Variants in MXRA5 observed in about 807,000 individuals in gnomAD.
The protein encoded by MXRA5 is matrix-remodeling-associated protein 5.
A neutral mutation model predicts 112.5 loss-of-function variants in MXRA5; 41 were observed. The observed-to-expected ratio is 0.36, with a 90% CI of 0.28 to 0.47. The LOEUF is 0.47. Among genes scored for constraint, MXRA5 ranks in the 20% least tolerant of loss-of-function variants. MXRA5 has a pLI of 0.99. For missense variants in MXRA5, 2,150 were observed against 2,251.0 expected, an observed-to-expected ratio of 0.96 and a Z score of 0.91; for synonymous variants, 862 against 900.8, an observed-to-expected ratio of 0.96 and a Z score of 0.77.
intron 4 of MXRA5, among the ~76,000 whole-genome samples, chrX:3,328,682 C>G (rs1474070410): frequency 9.3e-6 from 1 of 107,863 alleles, no homozygotes; most frequent in African/African-American, 3.4e-5. Context: ...GGAAATAGAT[C>G]CAGGATATGG....
chrX:3,346,642 G>T lies in MXRA5; in HGVS notation c.-156C>A. On this transcript the variant is annotated 5_prime_UTR_variant, in exon 1 of 7. Transcript: ENST00000217939. ...CCCGGGGCCGGGGGTGAGGCAGCTC[G>T]GCTTCCCAGCGCGGCACAGCAAGCC... The T allele has an allele frequency of 9.3e-6, 6 of 647,575 alleles. No homozygotes were observed. Among genetic ancestry groups the T allele is most frequent in the Non-Finnish European group, 1.1e-5 (6 of 541,464 alleles). 53.4% of individuals were successfully genotyped at this position (647,575 alleles called of 1,213,427 possible). A position where few individuals can be genotyped will look rare whatever the true frequency, so the allele number is the denominator to read the frequency against.
rs150226777 is a variant in MXRA5 at position 3,324,744 on chromosome X, G to T, written c.941C>A (p.Pro314His). The T allele has an allele frequency of 5.1e-3, 6,139 of 1,207,121 alleles. 16 individuals are homozygous for T. Among genetic ancestry groups the T allele is most frequent in the Non-Finnish European group, 6.0e-3 (5,343 of 893,562 alleles). ...SQLILEKFQLPQWSISLNMTD... is the reference protein window; with the variant it reads ...SQLILEKFQLHQWSISLNMTD... Reference sequence around the variant, plus strand: ...CATATTCAAAGAGATGCTCCACTGGGGCAGTTGGAATTTCTCCAGGATGAG... The same window carrying T: ...CATATTCAAAGAGATGCTCCACTGGTGCAGTTGGAATTTCTCCAGGATGAG... The change falls in exon 5 of 7, where the codon CCC becomes CAC. Residue 314 changes from proline (P) to histidine (H), a missense_variant. By Grantham distance (77) the Pro-to-His change is moderately conservative (BLOSUM62 -2). Coordinates refer to ENST00000217939, the MANE Select transcript of MXRA5 (RefSeq NM_015419.4).
chrX:3,340,041 C>T (rs1381834141), intron 2 of MXRA5, among the ~76,000 whole-genome samples: 2 of 105,658 alleles, frequency 1.9e-5, no homozygotes, highest in East Asian at 5.6e-4. Context: ...CAAAACCAGT[C>T]TTTTAATAGA....
intron 6 of MXRA5, among the ~76,000 whole-genome samples, chrX:3,315,879 G>A (rs1435138844): frequency 2.7e-5 from 3 of 109,984 alleles, no homozygotes; most frequent in African/African-American, 1.0e-4. Flanking sequence ...ATAGAGGCAA[G>A]CTGAATTGTT....
Position 3,321,631 on chromosome X carries a change from T to C in MXRA5, c.4054A>G (p.Ile1352Val), listed in dbSNP as rs765112165. The change falls in exon 5 of 7, where the codon ATA (isoleucine) becomes GTA (valine). Residue 1352 changes from isoleucine (I) to valine (V), a missense_variant. Physicochemically the swap from Ile to Val is conservative, Grantham distance 29. Around this residue, in one of 6 missense-constraint regions of MXRA5, gnomAD observed 1,485 missense variants for 1,471.6 expected, o/e 1.01. Coordinates refer to ENST00000217939, the MANE Select transcript of MXRA5 (RefSeq NM_015419.4). ...LVTGESITNA[I>V]PTSRSLVSTM... ...GAGACCAAGGAGCGAGAAGTTGGTA[T>C]GGCATTAGTAATTGATTCACCAGTG... 8.3e-7 allele frequency: 1 copy of C among 1,209,896 alleles called. No homozygotes were observed. Among genetic ancestry groups the C allele is most frequent in the Non-Finnish European group, 1.1e-6 (1 of 895,077 alleles).
rs1443298205 is a variant in MXRA5 at position 3,310,267 on chromosome X, G to C, written c.7936C>G (p.Leu2646Val). ...KPEANKQYHN[L>V]VSIINGETLK... ...GTCTCACCATTGATGATGCTGACCA[G>C]GTTATGATACTGCTTGTTTGCTTCT... The change falls in exon 7 of 7, where the codon CTG becomes GTG. Residue 2646 changes from leucine to valine, a missense_variant. Leu to Val is a conservative substitution (Grantham distance 32, BLOSUM62 1). Coordinates refer to ENST00000217939, the MANE Select transcript of MXRA5 (RefSeq NM_015419.4). 1 of 1,209,336 alleles carries C rather than the reference G, an allele frequency of 8.3e-7. No individual in the cohort carries two copies. The highest frequency in any genetic ancestry group is 3.0e-5 in the East Asian group (1 of 33,705).
Position 3,330,835 on chromosome X carries a change from T to C in MXRA5, c.189-62A>G. Reference sequence around the variant, plus strand: ...AATTAAGAAAATAAATAGCGAATACTTAACTCCCATATGGGAAACATTCCC... The same window carrying C: ...AATTAAGAAAATAAATAGCGAATACCTAACTCCCATATGGGAAACATTCCC... On this transcript the variant is annotated intron_variant, in intron 2 of 6. Coordinates refer to ENST00000217939, the MANE Select transcript of MXRA5 (RefSeq NM_015419.4). 3 of 830,435 alleles carry C rather than the reference T, an allele frequency of 3.6e-6. No individual in the cohort carries two copies. In the South Asian group the frequency reaches 1.1e-4, roughly 30 times the overall value. 68.4% of individuals were successfully genotyped at this position (830,435 alleles called of 1,213,427 possible).
chrX:3,316,155 A>C (rs1354597548), intron 6 of MXRA5, among the ~76,000 whole-genome samples: 21 of 80,225 alleles, frequency 2.6e-4, no homozygotes, highest in Non-Finnish European at 4.3e-4. Context: ...TCTACTAAAA[A>C]TACAAAAAAT....
At chrX:3,311,721 G>A (rs1404663691) in intron 6 of MXRA5, 97 bp from the exon 7 acceptor site, 1 of 703,222 alleles carries the variant, frequency 1.4e-6, no homozygotes, top group Non-Finnish European at 2.1e-6. Flanking sequence ...GTGTTTCTGT[G>A]ATGCATCAGC....
chrX:3,311,491 C>T lies in MXRA5; in HGVS notation c.6712G>A (p.Val2238Met). ...TCAATCTTGGCCGGTTTCATCACCA[C>T]ATCCACTTTGAGCACCACGTAGTCA... ...GDDYVVLKVD[V>M]VMKPAKIEHK... Residue 2238 changes from valine (V) to methionine (M), a missense_variant, in exon 7 of 7, where the codon GTG becomes ATG. By Grantham distance (21) the Val-to-Met change is conservative. Coordinates refer to ENST00000217939, the MANE Select transcript of MXRA5 (RefSeq NM_015419.4). The T allele has an allele frequency of 8.3e-7, 1 of 1,212,085 alleles. No homozygotes were observed. Among genetic ancestry groups the T allele is most frequent in the Non-Finnish European group, 1.1e-6 (1 of 895,632 alleles).
intron 1 of MXRA5, among the ~76,000 whole-genome samples, chrX:3,344,544 C>T (rs1043728114): frequency 5.4e-5 from 6 of 111,216 alleles, no homozygotes; most frequent in Middle Eastern, 4.7e-3. Flanking sequence ...GAAGGGACTG[C>T]TTATGAAATA....
In MXRA5 at chrX:3,324,925, C is replaced by T. The variant is rs1221496165; in HGVS notation, c.760G>A (p.Ala254Thr). 6 of 1,202,444 alleles carry T rather than the reference C, an allele frequency of 5.0e-6. No homozygotes were observed. The highest frequency in any genetic ancestry group is 1.8e-5 in the South Asian group (1 of 55,234). Reference protein sequence around the residue: ...DKAYEGGQLCAMCFSPKKLYK... With the variant: ...DKAYEGGQLCTMCFSPKKLYK... ...AACTTCTTTGGACTGAAGCACATTG[C>T]ACACAACTGACCGCCTTCATAAGCT... Residue 254 changes from alanine (A) to threonine (T), a missense_variant, in exon 5 of 7, where the codon GCA becomes ACA. This residue lies in a region of MXRA5 where 386 missense variants were observed against 411.0 expected (regional missense o/e 0.94). Transcript: ENST00000217939.
intron 5 of MXRA5, among the ~76,000 whole-genome samples, chrX:3,318,967 A>G (rs779077496): frequency 8.9e-6 from 1 of 112,141 alleles, no homozygotes; most frequent in Admixed American, 9.5e-5. Context: ...ACAGACAGAC[A>G]AACACTGCAT....
chrX:3,316,177 G>C (rs1166750500), intron 6 of MXRA5, among the ~76,000 whole-genome samples: 1 of 91,099 alleles, frequency 1.1e-5, no homozygotes, highest in South Asian at 5.5e-4. Flanking sequence ...AGCCAGGCGT[G>C]GTGGCGGGCG....
Position 3,319,688 on chromosome X carries a change from G to A in MXRA5, c.5677+320C>T, listed in dbSNP as rs560582544. Among the ~76,000 whole-genome samples, 3 of 111,617 alleles carry A rather than the reference G, an allele frequency of 2.7e-5. No individual in the cohort carries two copies. In the South Asian group the frequency reaches 1.1e-3, roughly 42 times the overall value. Reference sequence around the variant, plus strand: ...CTAGTAGAGGAGAGAGGGAGGGGTGGCAAGGGTTGAAAAATGTACCTATTG... The same window carrying A: ...CTAGTAGAGGAGAGAGGGAGGGGTGACAAGGGTTGAAAAATGTACCTATTG... On this transcript the variant is annotated intron_variant, in intron 5 of 6. Transcript: ENST00000217939.
intron 2 of MXRA5, among the ~76,000 whole-genome samples, chrX:3,341,860 A>G (rs1179266239): frequency 1.9e-5 from 2 of 104,028 alleles, no homozygotes; most frequent in Non-Finnish European, 3.9e-5. Flanking sequence ...TGGTTCATGT[A>G]TAAAAAACAA....
chrX:3,318,070 G>T, intron 5 of MXRA5, 67 bp from the exon 6 acceptor site: 1 of 900,819 alleles, frequency 1.1e-6, no homozygotes, highest in Non-Finnish European at 1.5e-6. Flanking sequence ...CAAACGAGCA[G>T]TATTAGTTAA....
chrX:3,329,677 C>T (rs1209137646), intron 4 of MXRA5, among the ~76,000 whole-genome samples: 4 of 111,550 alleles, frequency 3.6e-5, no homozygotes, highest in Non-Finnish European at 7.5e-5. Context: ...ATTCACAGCC[C>T]CTTCCCAGTC....
At position 3,317,913 on chromosome X, in the gene MXRA5, C is replaced by T. The variant is rs1208361900; in HGVS notation, c.5768G>A (p.Arg1923Gln). Residue 1923 changes from arginine (R) to glutamine (Q), a missense_variant, in exon 6 of 7, where the codon CGA becomes CAA. Arg to Gln is a conservative substitution (Grantham distance 43). This residue lies in a region of MXRA5 where 1,485 missense variants were observed against 1,471.6 expected (regional missense o/e 1.01). Coordinates refer to ENST00000217939, the MANE Select transcript of MXRA5 (RefSeq NM_015419.4). ...GCTGGCGGTGCACATATACTGGCCT[C>T]GATCTTGTACTTGAACCTTCCGTAT... is the stretch of plus-strand genomic sequence containing the variant. ...LVIRKVQVQD[R>Q]GQYMCTASNL... is the part of the protein sequence containing the mutation. 8.3e-7 allele frequency: 1 copy of T among 1,211,122 alleles called. No homozygotes were observed. Among genetic ancestry groups the T allele is most frequent in the Non-Finnish European group, 1.1e-6 (1 of 895,271 alleles).
Sources: gnomAD v4.1 joint callset for allele counts (sites outside exome capture counted in the v4.1 genomes callset) on GRCh38, gnomAD v4.1.1 for gene constraint, gnomAD v4.1.1 regional missense constraint, MANE v1.5 for transcripts, NCBI Gene and HGNC (gene_info 2026-07-23, HGNC 2026-07-21) for gene names.